The following NCKAP5 variants were observed in gnomAD, a reference collection of about 807,000 sequenced individuals.
NCKAP5 encodes the protein NCK associated protein 5.
A neutral mutation model predicts 167.0 loss-of-function variants in NCKAP5; 92 were observed. The observed-to-expected ratio is 0.55, with a 90% CI of 0.47 to 0.66. The LOEUF (loss-of-function observed/expected upper bound fraction) is 0.66. Ranked by LOEUF, NCKAP5 falls within the 30% of genes least tolerant of loss-of-function variation. The pLI is 0.00. For synonymous variants in NCKAP5, 891 were observed against 877.4 expected (o/e 1.02, Z -0.27); for missense variants, 2,378 against 2,315.0 (o/e 1.03, Z -0.56).
chr2:132,834,118 T>C (rs1350114575), intron 11 of NCKAP5, among the ~76,000 whole-genome samples: 4 of 152,178 alleles, frequency 2.6e-5, no homozygotes, highest in African/African-American at 9.7e-5. Context: ...TTGTAGAGTC[T>C]TTTTGTTTTT....
intron 3 of NCKAP5, among the ~76,000 whole-genome samples, chr2:133,356,786 T>C (rs944414488): frequency 1.3e-5 from 2 of 152,214 alleles, no homozygotes; most frequent in African/African-American, 2.4e-5. Flanking sequence ...GGGTCTATTG[T>C]ACTTCTTAAT....
chr2:132,876,686 A>T (rs908239194), intron 9 of NCKAP5, among the ~76,000 whole-genome samples: 3 of 152,232 alleles, frequency 2.0e-5, no homozygotes, highest in African/African-American at 7.2e-5. Context: ...TATTGCTTAG[A>T]GGCAGTTCTT....
intron 2 of NCKAP5, among the ~76,000 whole-genome samples, chr2:133,532,851 T>C (rs1685474036): frequency 6.6e-6 from 1 of 152,204 alleles, no homozygotes; most frequent in African/African-American, 2.4e-5. Context: ...ACTATTATGA[T>C]ATTTTAGTAT....
intron 8 of NCKAP5, among the ~76,000 whole-genome samples, chr2:132,946,906 A>T (rs1029514568): frequency 6.6e-6 from 1 of 152,156 alleles, no homozygotes; most frequent in Non-Finnish European, 1.5e-5. Context: ...TCAAAATAAA[A>T]AAGTTTGTAT....
At chr2:133,597,082 C>T in the NCKAP5 span, among the ~76,000 whole-genome samples, 1 of 152,174 alleles carries the variant, frequency 6.6e-6, no homozygotes, top group African/African-American at 2.4e-5. Flanking sequence ...AATCAAATTG[C>T]CAGTGGCATA....
chr2:132,958,099 C>T (rs551439564), intron 8 of NCKAP5, among the ~76,000 whole-genome samples: 50 of 152,160 alleles, frequency 3.3e-4, no homozygotes, highest in Non-Finnish European at 6.2e-4. Context: ...TTTCTGTGAA[C>T]CTCTAGGCAG....
intron 8 of NCKAP5, among the ~76,000 whole-genome samples, chr2:132,881,437 A>T (rs962971564): frequency 1.3e-5 from 2 of 152,002 alleles, no homozygotes. Flanking sequence ...GGCCTCCCAA[A>T]GTGCTGGGAT....
At chr2:133,318,112 T>C (rs990610551) in intron 3 of NCKAP5, among the ~76,000 whole-genome samples, 22 of 152,210 alleles carry the variant, frequency 1.4e-4, no homozygotes, top group Admixed American at 1.4e-3. Flanking sequence ...AGACTGAGCC[T>C]ATGTCATAGT....
chr2:132,939,769 G>T (rs1697149807), intron 8 of NCKAP5, among the ~76,000 whole-genome samples: 1 of 152,098 alleles, frequency 6.6e-6, no homozygotes, highest in Non-Finnish European at 1.5e-5. Flanking sequence ...GGAGATTAAG[G>T]TGGGTGGATC....
intron 8 of NCKAP5, among the ~76,000 whole-genome samples, chr2:132,960,060 G>A (rs1277243786): frequency 6.6e-6 from 1 of 152,176 alleles, no homozygotes; most frequent in Non-Finnish European, 1.5e-5. Flanking sequence ...AGGGTAAACG[G>A]TCTACTCTTC....
chr2:132,676,283 C>CTTT (rs61213029), intron 19 of NCKAP5, among the ~76,000 whole-genome samples: 21 of 61,134 alleles, frequency 3.4e-4, no homozygotes, highest in African/African-American at 6.2e-4. Context: ...TTGTTTTATC[C>CTTT]TTTTTTTTTT....
intron 5 of NCKAP5, among the ~76,000 whole-genome samples, chr2:133,189,898 AAC>A (rs1384427042): frequency 6.6e-6 from 1 of 152,166 alleles, no homozygotes; most frequent in Non-Finnish European, 1.5e-5. Context: ...ACTCCTATTC[AAC>A]ACAGTGTTGG....
At chr2:133,115,961 T>A (rs1462277184) in intron 6 of NCKAP5, among the ~76,000 whole-genome samples, 1 of 151,518 alleles carries the variant, frequency 6.6e-6, no homozygotes, top group African/African-American at 2.4e-5. Context: ...TAAATATTTT[T>A]TGTAAAGTAG....
chr2:133,211,579 A>G (rs1171413179), intron 5 of NCKAP5, among the ~76,000 whole-genome samples: 2 of 152,174 alleles, frequency 1.3e-5, no homozygotes, highest in Admixed American at 6.5e-5. Flanking sequence ...AGCTGCTTCT[A>G]TGTCCTAACA....
chr2:133,055,393 A>G (rs2079760649), intron 6 of NCKAP5, among the ~76,000 whole-genome samples: 1 of 151,902 alleles, frequency 6.6e-6, no homozygotes, highest in African/African-American at 2.4e-5. Context: ...TTTTTATCTT[A>G]AAGTATGGAA....
chr2:132,947,552 T>C (rs1697844607), intron 8 of NCKAP5, among the ~76,000 whole-genome samples: 1 of 152,162 alleles, frequency 6.6e-6, no homozygotes, highest in African/African-American at 2.4e-5. Context: ...TGGCTTATCA[T>C]CCCTTTAGCA....
chr2:132,782,183 C>T lies in NCKAP5; in HGVS notation c.4628G>A (p.Gly1543Glu), dbSNP rs1228881406. Residue 1543 changes from glycine (G) to glutamate (E), a missense_variant, in exon 14 of 20, where the codon GGA becomes GAA. By Grantham distance (98) the Gly-to-Glu change is moderately conservative. Transcript: ENST00000409261. The part of the protein sequence containing the change: ...EKKDAKVLGF[G>E]NRQLKSERKK... Reference sequence around the variant, plus strand: ...TCTTTCTGATTTTAGTTGTCTGTTTCCAAACCCCAAGACTTTTGCATCTTT... The same window carrying T: ...TCTTTCTGATTTTAGTTGTCTGTTTTCAAACCCCAAGACTTTTGCATCTTT... The T allele has an allele frequency of 3.7e-6, 6 of 1,611,510 alleles. No individual in the cohort carries two copies. Among genetic ancestry groups the T allele is most frequent in the Admixed American group, 1.7e-5 (1 of 59,472 alleles).
intron 8 of NCKAP5, among the ~76,000 whole-genome samples, chr2:132,933,329 C>A (rs973381413): frequency 6.6e-6 from 1 of 152,148 alleles, no homozygotes; most frequent in African/African-American, 2.4e-5. Flanking sequence ...TCCCATTAGA[C>A]CATGAGTGAG....
chr2:132,952,582 G>T (rs550368254), intron 8 of NCKAP5, among the ~76,000 whole-genome samples: 89 of 152,152 alleles, frequency 5.8e-4, no homozygotes, highest in Non-Finnish European at 1.1e-3. Flanking sequence ...AAGGGCTGCT[G>T]TAAAACAGCA....
Sources: allele counts gnomAD v4.1 joint callset (sites outside exome capture counted in the v4.1 genomes callset), GRCh38; gene constraint gnomAD v4.1.1; transcripts MANE v1.5; gene names NCBI Gene and HGNC (gene_info 2026-07-23, HGNC 2026-07-21).